The following RRAGC variants were observed in gnomAD, a reference collection of about 807,000 sequenced individuals.
RRAGC encodes ras-related GTP-binding protein C.
In RRAGC, 8 loss-of-function variants were observed where a neutral mutation model predicts 37.1. That is an observed-to-expected ratio of 0.22 (90% CI 0.13 to 0.39). The LOEUF (loss-of-function observed/expected upper bound fraction) is 0.39, where lower values mean the gene tolerates loss of function less well. Among genes scored for constraint, RRAGC ranks in the 10% least tolerant of loss-of-function variants. The probability of loss-of-function intolerance (pLI) is 1.00; values close to 1 mark genes in which losing one functional copy is unlikely to be tolerated. For synonymous variants in RRAGC, 190 were observed against 181.1 expected, an observed-to-expected ratio of 1.05 and a Z score of -0.39; for missense variants, 342 against 497.6, an observed-to-expected ratio of 0.69 and a Z score of 2.98.
In RRAGC at chr1:38,859,734, C is replaced by G. The variant is rs1298336015; in HGVS notation, c.-88G>C. On this transcript the variant is annotated 5_prime_UTR_variant, in exon 1 of 7. Coordinates refer to ENST00000373001, the MANE Select transcript of RRAGC (RefSeq NM_022157.4). Reference sequence around the variant, plus strand: ...CTCCCCAGTCCGCCTCCGCCGCCGCCGCCACCACCGCCACCGCCCCCGGCA... The same window carrying G: ...CTCCCCAGTCCGCCTCCGCCGCCGCGGCCACCACCGCCACCGCCCCCGGCA... 1.3e-5 allele frequency: 14 copies of G among 1,092,516 alleles called. No individual in the cohort carries two copies. The highest frequency in any genetic ancestry group is 1.5e-5 in the Non-Finnish European group (13 of 864,310). The allele number at this position is 1,092,516 out of a possible 1,614,324, so 67.7% of individuals were successfully genotyped here. A position where few individuals can be genotyped will look rare whatever the true frequency, so the allele number is the denominator to read the frequency against.
chr1:38,858,466 A>C (rs557411159), intron 1 of RRAGC, among the ~76,000 whole-genome samples: 1 of 152,306 alleles, frequency 6.6e-6, no homozygotes, highest in African/African-American at 2.4e-5. Flanking sequence ...TGGGAGGCCA[A>C]GGCGGATGAT....
At position 38,859,677 on chromosome 1, in the gene RRAGC, A is replaced by ACAGGC. The variant is rs770838298; in HGVS notation, c.-36_-32dup. On this transcript the variant is annotated 5_prime_UTR_variant, in exon 1 of 7. Transcript: ENST00000373001. ...TGGAGCCGCCGCCGCCCGCGCCCTG[A>ACAGGC]CAGGCCAGGCCAGGCCGAGCCAGGC... 91 of 1,519,386 alleles carry ACAGGC rather than the reference A, an allele frequency of 6.0e-5. No homozygotes were observed. The highest frequency in any genetic ancestry group is 1.8e-4 in the East Asian group (7 of 38,948). 94.1% of individuals were successfully genotyped at this position (1,519,386 alleles called of 1,614,324 possible). A position where few individuals can be genotyped will look rare whatever the true frequency, so the allele number is the denominator to read the frequency against.
At chr1:38,853,483 C>T (rs992449511) in intron 3 of RRAGC, among the ~76,000 whole-genome samples, 5 of 152,182 alleles carry the variant, frequency 3.3e-5, no homozygotes, top group Non-Finnish European at 7.3e-5. Flanking sequence ...CGATGGCTCA[C>T]GCCTGTAATC....
At chr1:38,844,601 C>T (rs1038929090) in intron 6 of RRAGC, among the ~76,000 whole-genome samples, 1 of 152,052 alleles carries the variant, frequency 6.6e-6, no homozygotes, top group Admixed American at 6.6e-5. Flanking sequence ...GATTGAAAAG[C>T]CTGCAGAGTA....
chr1:38,839,981 C>G (rs1248892902), intron 6 of RRAGC, among the ~76,000 whole-genome samples: 3 of 151,834 alleles, frequency 2.0e-5, no homozygotes, highest in Non-Finnish European at 4.4e-5. Flanking sequence ...CCCGTCTCTA[C>G]TAAAAATACA....
intron 6 of RRAGC, among the ~76,000 whole-genome samples, chr1:38,841,367 A>AT (rs1570858222): frequency 2.6e-4 from 34 of 130,040 alleles, no homozygotes; most frequent in Non-Finnish European, 4.2e-4. Context: ...CATAAACAAA[A>AT]ATTTTTTTTT....
chr1:38,850,380 G>A (rs1642084483), intron 5 of RRAGC, among the ~76,000 whole-genome samples: 1 of 151,940 alleles, frequency 6.6e-6, no homozygotes, highest in Non-Finnish European at 1.5e-5. Context: ...CAGGCGTTGT[G>A]GCGGGCACCT....
chr1:38,853,146 A>G (rs769241089), intron 3 of RRAGC, among the ~76,000 whole-genome samples: 4 of 152,260 alleles, frequency 2.6e-5, no homozygotes, highest in Non-Finnish European at 5.9e-5. Context: ...CTGAATAAAC[A>G]AATGAATACA....
chr1:38,859,729 G>GCCGCCGCCACCA lies in RRAGC; in HGVS notation c.-95_-84dup. 4 of 1,175,152 alleles carry GCCGCCGCCACCA rather than the reference G, an allele frequency of 3.4e-6. No individual in the cohort carries two copies. Among genetic ancestry groups the GCCGCCGCCACCA allele is most frequent in the South Asian group, 4.0e-5 (1 of 25,168 alleles). 72.8% of individuals were successfully genotyped at this position (1,175,152 alleles called of 1,614,324 possible). A position where few individuals can be genotyped will look rare whatever the true frequency, so the allele number is the denominator to read the frequency against. ...GCCGCCTCCCCAGTCCGCCTCCGCC[G>GCCGCCGCCACCA]CCGCCGCCACCACCGCCACCGCCCC... On this transcript the variant is annotated 5_prime_UTR_variant, in exon 1 of 7. Coordinates refer to ENST00000373001, the MANE Select transcript of RRAGC (RefSeq NM_022157.4).
chr1:38,846,119 G>T, intron 5 of RRAGC, 32 bp from the exon 6 acceptor site: 1 of 1,566,752 alleles, frequency 6.4e-7, no homozygotes, highest in African/African-American at 1.4e-5. Context: ...TTCATTACAG[G>T]TTTCCCATCT....
chr1:38,848,797 T>C (rs1355945119), intron 5 of RRAGC, among the ~76,000 whole-genome samples: 2 of 151,334 alleles, frequency 1.3e-5, no homozygotes, highest in Non-Finnish European at 2.9e-5. Context: ...CCAGCCTGGG[T>C]AACACTATGA....
chr1:38,843,669 G>A (rs1197027073), intron 6 of RRAGC, among the ~76,000 whole-genome samples: 1 of 150,342 alleles, frequency 6.7e-6, no homozygotes, highest in African/African-American at 2.5e-5. Flanking sequence ...GCAGTGAGCC[G>A]AGATTGCGCC....
chr1:38,843,962 A>T (rs547485257), intron 6 of RRAGC, among the ~76,000 whole-genome samples: 1 of 152,314 alleles, frequency 6.6e-6, no homozygotes, highest in East Asian at 1.9e-4. Context: ...GGAATCACTG[A>T]CAGTGAAAAT....
At chr1:38,852,633 A>G (rs991619962) in intron 3 of RRAGC, 145 bp from the exon 4 acceptor site, 8 of 490,614 alleles carry the variant, frequency 1.6e-5, no homozygotes, top group African/African-American at 1.2e-4. Flanking sequence ...CATACCCATC[A>G]CTCAAGATGA....
chr1:38,843,295 C>A (rs1291562495), intron 6 of RRAGC, among the ~76,000 whole-genome samples: 1 of 149,782 alleles, frequency 6.7e-6, no homozygotes, highest in Non-Finnish European at 1.5e-5. Context: ...CATGTTGGGG[C>A]AATGGAGTAA....
At position 38,839,588 on chromosome 1, in the gene RRAGC, G is replaced by A. The variant is rs770548337; in HGVS notation, c.1165C>T (p.Leu389=). ...TTTCGTGGCGTGCCATTGTGTGTCAGCGCTTTCAGACTGGAGGCACTAGTC... is the reference window on the plus strand; with the variant it reads ...TTTCGTGGCGTGCCATTGTGTGTCAACGCTTTCAGACTGGAGGCACTAGTC... The part of the protein sequence containing the change: ...HQTSASSLKA[L]THNGTPRNAI The change falls in exon 7 of 7, where the codon CTG becomes TTG. Residue 389 remains leucine, a synonymous_variant. Coordinates refer to ENST00000373001, the MANE Select transcript of RRAGC (RefSeq NM_022157.4). The A allele has an allele frequency of 1.5e-5, 25 of 1,613,998 alleles. No homozygotes were observed. The South Asian group carries it at 2.6e-4, about 17-fold the overall frequency.
intron 6 of RRAGC, among the ~76,000 whole-genome samples, chr1:38,839,915 G>C (rs1006032721): frequency 6.6e-6 from 1 of 151,932 alleles, no homozygotes; most frequent in African/African-American, 2.4e-5. Flanking sequence ...GGGAGGCCGA[G>C]GCGGGCAGAT....
At chr1:38,850,119 T>TGG (rs1642081209) in intron 5 of RRAGC, among the ~76,000 whole-genome samples, 1 of 151,774 alleles carries the variant, frequency 6.6e-6, no homozygotes, top group Non-Finnish European at 1.5e-5. Flanking sequence ...CGCAGGAGAA[T>TGG]CGTTTGAACC....
At chr1:38,840,942 G>A (rs754472553) in intron 6 of RRAGC, among the ~76,000 whole-genome samples, 2 of 152,124 alleles carry the variant, frequency 1.3e-5, no homozygotes, top group Non-Finnish European at 2.9e-5. Flanking sequence ...TTGAACACTG[G>A]CCAGATATTT....
Sources: allele counts gnomAD v4.1 joint callset (sites outside exome capture counted in the v4.1 genomes callset), GRCh38; gene constraint gnomAD v4.1.1; transcripts MANE v1.5; gene names NCBI Gene and HGNC (gene_info 2026-07-23, HGNC 2026-07-21).